The following PCDHA4 variants were observed in gnomAD, a reference collection of about 807,000 sequenced individuals.
PCDHA4 encodes protocadherin alpha-4.
In PCDHA4, 49 loss-of-function variants were observed where a neutral mutation model predicts 61.4. The observed-to-expected ratio is 0.80, with a 90% CI of 0.63 to 1.01. The LOEUF (loss-of-function observed/expected upper bound fraction) is 1.01, where lower values mean the gene tolerates loss of function less well. PCDHA4 is among the 50% of genes least tolerant of loss of function. The pLI is 0.00. For synonymous variants in PCDHA4, 590 were observed against 550.3 expected, an observed-to-expected ratio of 1.07 and a Z score of -1.01; for missense variants, 1,254 against 1,235.8, an observed-to-expected ratio of 1.01 and a Z score of -0.22.
At chr5:140,926,185 GCAGCACTT>G (rs1563077744) in intron 1 of PCDHA4, among the ~76,000 whole-genome samples, 1 of 151,672 alleles carries the variant, frequency 6.6e-6, no homozygotes, top group East Asian at 1.9e-4. Flanking sequence ...AAAGCCCCCC[GCAGCACTT>G]CTTTCGGGGG....
chr5:141,004,142 G>A (rs1323224367), intron 3 of PCDHA4, among the ~76,000 whole-genome samples: 2 of 152,214 alleles, frequency 1.3e-5, no homozygotes, highest in African/African-American at 4.8e-5. Flanking sequence ...TGCCCCAAAG[G>A]CATGACATTT....
At chr5:140,926,938 G>C in intron 1 of PCDHA4, 1 of 1,581,492 alleles carries the variant, frequency 6.3e-7, no homozygotes. Context: ...GGTTTCCTGC[G>C]GCGCTGCAGC....
chr5:140,968,363 G>T (rs1448494733), intron 1 of PCDHA4: 1 of 1,614,090 alleles, frequency 6.2e-7, no homozygotes, highest in East Asian at 2.2e-5. Context: ...CAGCCTTTAT[G>T]CTGTCAACTC....
At position 140,877,685 on chromosome 5, in the gene PCDHA4, C is replaced by T. The variant is rs377753884; in HGVS notation, c.2385+68113C>T. On this transcript the variant is annotated intron_variant, in intron 1 of 3. Transcript: ENST00000530339. Reference sequence around the variant, plus strand: ...AGCCGGTGCGCGCCGGGCAAGCCCACGCTGGTGTGCTCCAGCGCCGTGGGG... The same window carrying T: ...AGCCGGTGCGCGCCGGGCAAGCCCATGCTGGTGTGCTCCAGCGCCGTGGGG... 3.4e-5 allele frequency: 55 copies of T among 1,613,628 alleles called. No homozygotes were observed. Among genetic ancestry groups the T allele is most frequent in the Non-Finnish European group, 4.6e-5 (54 of 1,179,904 alleles).
chr5:140,842,894 C>T, intron 1 of PCDHA4: 1 of 1,594,372 alleles, frequency 6.3e-7, no homozygotes, highest in Non-Finnish European at 8.6e-7. Flanking sequence ...GCCGCTGGAC[C>T]ACGAGGAGCT....
At chr5:140,835,022 G>C in intron 1 of PCDHA4, 2 of 1,341,264 alleles carry the variant, frequency 1.5e-6, no homozygotes, top group South Asian at 1.4e-5. Context: ...TATTGCTCAC[G>C]GCCACCGATG....
intron 1 of PCDHA4, chr5:140,857,901 G>C: frequency 1.3e-6 from 2 of 1,597,732 alleles, no homozygotes; most frequent in Non-Finnish European, 1.7e-6. Context: ...GTTGGTGCAC[G>C]CATCCCGTTT....
chr5:140,859,473 G>T (rs1486992699), intron 1 of PCDHA4: 1 of 209,794 alleles, frequency 4.8e-6, no homozygotes, highest in Non-Finnish European at 9.3e-6. Context: ...ACTATCAATT[G>T]TGTTTTCCTG....
At chr5:140,928,276 G>T in intron 1 of PCDHA4, 1 of 1,614,172 alleles carries the variant, frequency 6.2e-7, no homozygotes, top group Non-Finnish European at 8.5e-7. Context: ...TGGCCCTGGG[G>T]CCTCTCTAGG....
At chr5:140,905,855 A>G (rs1297642648) in intron 1 of PCDHA4, among the ~76,000 whole-genome samples, 1 of 152,128 alleles carries the variant, frequency 6.6e-6, no homozygotes, top group East Asian at 1.9e-4. Context: ...AGGAGTATTA[A>G]CTCACACAAT....
At chr5:140,862,809 G>A in intron 1 of PCDHA4, 1 of 572,722 alleles carries the variant, frequency 1.7e-6, no homozygotes, top group Non-Finnish European at 3.4e-6. Context: ...AGCTGCTGCA[G>A]TTCTAGGTGA....
rs146340581 is a variant in PCDHA4, at chr5:140,957,263, C to T, written c.2386-21686C>T. On this transcript the variant is annotated intron_variant, in intron 1 of 3. Transcript: ENST00000530339. ...TCTACCTAAAATTTAAATATGTAAG[C>T]ACTAGTCCCCCCTTACCTGCAGTTT... Among the ~76,000 whole-genome samples, 73 of 152,260 alleles carry T rather than the reference C, an allele frequency of 4.8e-4. No homozygotes were observed. In the East Asian group the frequency reaches 0.01, roughly 22 times the overall value.
chr5:140,882,132 A>C, intron 1 of PCDHA4: 1 of 1,475,878 alleles, frequency 6.8e-7, no homozygotes. Flanking sequence ...TTCTTCCTGC[A>C]GAAAATATAG....
At chr5:140,932,059 AT>A (rs2087988463) in intron 1 of PCDHA4, among the ~76,000 whole-genome samples, 1 of 151,936 alleles carries the variant, frequency 6.6e-6, no homozygotes, top group Non-Finnish European at 1.5e-5. Context: ...AATACTAAAA[AT>A]TATCAGTTTA....
intron 1 of PCDHA4, among the ~76,000 whole-genome samples, chr5:140,897,593 G>A (rs1185165472): frequency 6.6e-6 from 1 of 152,014 alleles, no homozygotes; most frequent in Non-Finnish European, 1.5e-5. Context: ...TGTCATTGTT[G>A]GACATTTGGG....
intron 1 of PCDHA4, among the ~76,000 whole-genome samples, chr5:140,913,558 G>C (rs1042223174): frequency 2.6e-5 from 4 of 151,668 alleles, no homozygotes; most frequent in African/African-American, 4.8e-5. Flanking sequence ...TTGATCTCTT[G>C]TATTTTCATC....
intron 1 of PCDHA4, among the ~76,000 whole-genome samples, chr5:140,881,806 C>G (rs545752672): frequency 1.3e-5 from 2 of 152,238 alleles, no homozygotes; most frequent in African/African-American, 4.8e-5. Context: ...AAACGAGTGT[C>G]GAATATTCTT....
At chr5:140,927,146 A>T (rs2083897470) in intron 1 of PCDHA4, 1 of 1,614,156 alleles carries the variant, frequency 6.2e-7, no homozygotes, top group East Asian at 2.2e-5. Context: ...GACCGCGAAC[A>T]GCTGTGCAGG....
chr5:140,948,076 A>G (rs1554218436), intron 1 of PCDHA4, among the ~76,000 whole-genome samples: 1 of 151,508 alleles, frequency 6.6e-6, no homozygotes, highest in Non-Finnish European at 1.5e-5. Flanking sequence ...ATTTTCTTTT[A>G]ATCTATTGAT....
Sources: gnomAD v4.1 joint callset for allele counts (sites outside exome capture counted in the v4.1 genomes callset) on GRCh38, gnomAD v4.1.1 for gene constraint, MANE v1.5 for transcripts, NCBI Gene and HGNC (gene_info 2026-07-23, HGNC 2026-07-21) for gene names.